Variants in COPG2 observed in about 807,000 individuals in gnomAD.
The protein encoded by COPG2 is coat protein complex I subunit gamma 2.
Under a neutral mutation model 46.3 loss-of-function variants are expected in COPG2, and 37 were observed. That is an observed-to-expected ratio of 0.80 (90% CI 0.61 to 1.05). COPG2 has a LOEUF of 1.05. Among genes scored for constraint, COPG2 ranks in the 50% least tolerant of loss-of-function variants. COPG2 has a pLI of 0.00. For missense variants in COPG2, 427 were observed against 387.8 expected, an observed-to-expected ratio of 1.10 and a Z score of -0.85; for synonymous variants, 159 against 129.7, an observed-to-expected ratio of 1.23 and a Z score of -1.53.
intron 14 of COPG2, among the ~76,000 whole-genome samples, chr7:130,553,558 G>T (rs1207071848): frequency 1.3e-5 from 2 of 152,200 alleles, no homozygotes; most frequent in Admixed American, 6.5e-5. Flanking sequence ...ATAACTGAGT[G>T]GATGATGAAT....
chr7:130,584,908 C>T (rs1469138726), intron 9 of COPG2, among the ~76,000 whole-genome samples: 2 of 151,838 alleles, frequency 1.3e-5, no homozygotes, highest in Admixed American at 1.3e-4. Flanking sequence ...AAATTCAATG[C>T]AATCCCCATC....
chr7:130,508,081 T>G, intron 21 of COPG2: 1 of 406,518 alleles, frequency 2.5e-6, no homozygotes, highest in Non-Finnish European at 4.4e-6. Context: ...ACTTGACCAC[T>G]GAGTTCTGGG....
At chr7:130,646,222 T>C (rs1219699332) in intron 5 of COPG2, among the ~76,000 whole-genome samples, 2 of 152,254 alleles carry the variant, frequency 1.3e-5, no homozygotes, top group Non-Finnish European at 1.5e-5. Context: ...TGTCCATACA[T>C]TGGCTATTGC....
At chr7:130,535,642 G>A (rs1799871296) in intron 20 of COPG2, among the ~76,000 whole-genome samples, 1 of 148,630 alleles carries the variant, frequency 6.7e-6, no homozygotes, top group Non-Finnish European at 1.5e-5. Flanking sequence ...GGTGGGCTGG[G>A]TGGAGGGGAT....
intron 5 of COPG2, among the ~76,000 whole-genome samples, chr7:130,623,496 T>C (rs1795070431): frequency 6.6e-6 from 1 of 152,188 alleles, no homozygotes; most frequent in African/African-American, 2.4e-5. Flanking sequence ...AGAGCTAGCT[T>C]CCTCTCCCCT....
At chr7:130,661,978 A>G (rs1326623391) in intron 4 of COPG2, among the ~76,000 whole-genome samples, 2 of 152,178 alleles carry the variant, frequency 1.3e-5, no homozygotes, top group Non-Finnish European at 2.9e-5. Flanking sequence ...ACACTCTTGC[A>G]GGACATCTTA....
At chr7:130,590,500 C>T (rs1289631625) in intron 9 of COPG2, among the ~76,000 whole-genome samples, 23 of 152,252 alleles carry the variant, frequency 1.5e-4, no homozygotes, top group African/African-American at 4.8e-4. Context: ...GCGAGTGATC[C>T]GCCAGCCTCG....
intron 9 of COPG2, among the ~76,000 whole-genome samples, chr7:130,577,221 CAGA>C (rs1554446347): frequency 6.6e-6 from 1 of 152,244 alleles, no homozygotes; most frequent in African/African-American, 2.4e-5. Flanking sequence ...GTGAGCGACG[CAGA>C]AGACCGGTGA....
chr7:130,591,287 C>T (rs1794415254), intron 9 of COPG2, among the ~76,000 whole-genome samples: 1 of 116,892 alleles, frequency 8.6e-6, no homozygotes, highest in Non-Finnish European at 1.8e-5. Flanking sequence ...AGCCCCCCGC[C>T]CGGCCAGCCG....
Position 130,610,947 on chromosome 7 carries a change from A to G in COPG2, c.737+6T>C. 6.2e-7 allele frequency: 1 copy of G among 1,613,840 alleles called. No individual in the cohort carries two copies. Among genetic ancestry groups the G allele is most frequent in the Non-Finnish European group, 8.5e-7 (1 of 1,179,730 alleles). On this transcript the variant is annotated splice_donor_region_variant and intron_variant, in intron 9 of 23. Coordinates refer to ENST00000425248, the MANE Select transcript of COPG2 (RefSeq NM_012133.6). ...AAATAACCCAGGTTTAGGTGAAGAC[A>G]CTTACCCATCCTCAGTTTCTTTTAG...
chr7:130,529,000 G>T (rs912572332), intron 20 of COPG2, among the ~76,000 whole-genome samples: 45 of 152,240 alleles, frequency 3.0e-4, no homozygotes, highest in South Asian at 2.5e-3. Flanking sequence ...GAAGATGCTG[G>T]CACCTTGGAA....
chr7:130,568,905 G>C (rs2116412746), intron 9 of COPG2, among the ~76,000 whole-genome samples: 1 of 152,174 alleles, frequency 6.6e-6, no homozygotes, highest in South Asian at 2.1e-4. Flanking sequence ...AACTCCAAAA[G>C]GAACCTTGAA....
intron 9 of COPG2, among the ~76,000 whole-genome samples, chr7:130,590,521 G>A (rs1554448646): frequency 6.6e-6 from 1 of 152,158 alleles, no homozygotes; most frequent in Admixed American, 6.5e-5. Context: ...GCCTCCCGAG[G>A]TGCCGGGATG....
chr7:130,531,371 G>T (rs1293048295), intron 20 of COPG2, among the ~76,000 whole-genome samples: 4 of 152,060 alleles, frequency 2.6e-5, no homozygotes, highest in African/African-American at 4.8e-5. Context: ...GTAAGGGGCT[G>T]GATTCTTACA....
chr7:130,623,439 A>G (rs555624410), intron 5 of COPG2, among the ~76,000 whole-genome samples: 1 of 152,324 alleles, frequency 6.6e-6, no homozygotes, highest in Admixed American at 6.5e-5. Flanking sequence ...TTCATGTGCC[A>G]GTACCATGCT....
At chr7:130,533,365 G>A (rs1799847928) in intron 20 of COPG2, among the ~76,000 whole-genome samples, 1 of 151,904 alleles carries the variant, frequency 6.6e-6, no homozygotes, top group Non-Finnish European at 1.5e-5. Context: ...AGAGACATGG[G>A]GAATCCAGAG....
intron 9 of COPG2, among the ~76,000 whole-genome samples, chr7:130,577,624 G>A (rs1298233303): frequency 2.6e-5 from 4 of 151,440 alleles, no homozygotes; most frequent in Admixed American, 6.6e-5. Context: ...AGCCGGGCGC[G>A]GTGGCGGGCG....
rs1015614141 is a variant in COPG2, at chr7:130,530,059, G to A, written c.2149+17615C>T. On this transcript the variant is annotated intron_variant, in intron 20 of 23. Coordinates refer to ENST00000425248, the MANE Select transcript of COPG2 (RefSeq NM_012133.6). ...GGAGAGGGTCAGGGTGTCGGGTGCTGGGATGAGGGCTTCATGTTTGGAAGA... is the reference window on the plus strand; with the variant it reads ...GGAGAGGGTCAGGGTGTCGGGTGCTAGGATGAGGGCTTCATGTTTGGAAGA... Among the ~76,000 whole-genome samples, 16 of 152,250 alleles carry A rather than the reference G, an allele frequency of 1.1e-4. No homozygotes were observed. The East Asian group carries it at 1.4e-3, about 13-fold the overall frequency.
At chr7:130,667,346 C>A in intron 2 of COPG2, 136 bp downstream of exon 2, 1 of 675,166 alleles carries the variant, frequency 1.5e-6, no homozygotes, top group Non-Finnish European at 2.5e-6. Context: ...TCTTTCTTTT[C>A]CCTCAAATCT....
Sources: allele counts gnomAD v4.1 joint callset (sites outside exome capture counted in the v4.1 genomes callset), GRCh38; gene constraint gnomAD v4.1.1; transcripts MANE v1.5; gene names NCBI Gene and HGNC (gene_info 2026-07-23, HGNC 2026-07-21).